TSLP: variants seen among roughly 807,000 people sequenced by gnomAD.
The protein encoded by TSLP is thymic stromal lymphopoietin, also known as thymic stroma-derived lymphopoietin.
Under a neutral mutation model 12.4 loss-of-function variants are expected in TSLP, and 12 were observed. That is an observed-to-expected ratio of 0.97 (90% CI 0.62 to 1.57). The LOEUF (loss-of-function observed/expected upper bound fraction) is 1.57, where lower values mean the gene tolerates loss of function less well. Among genes scored for constraint, TSLP ranks in the 40% most tolerant of loss-of-function variants. TSLP has a pLI of 0.00. For missense variants in TSLP, 222 were observed against 189.6 expected (o/e 1.17, Z -1.00); for synonymous variants, 97 against 69.5 (o/e 1.40, Z -1.97).
intron 3 of TSLP, among the ~76,000 whole-genome samples, 158 bp downstream of exon 3, chr5:111,073,803 G>GTTGA (rs1456505804): frequency 1.3e-5 from 2 of 152,186 alleles, no homozygotes; most frequent in Non-Finnish European, 2.9e-5. Flanking sequence ...TTAGACCCAC[G>GTTGA]TTGATACCCG....
At position 111,076,352 on chromosome 5, in the gene TSLP, A is replaced by T. The variant is rs1752507270; in HGVS notation, c.*278A>T. On this transcript the variant is annotated 3_prime_UTR_variant, in exon 4 of 4. Transcript: ENST00000344895. ...GTTGCATAAGCATTGCTCAAGAGGA[A>T]AATCCAAAAGTGCAGCAGGAGAACT... 2.9e-6 allele frequency: 1 copy of T among 343,330 alleles called. No individual in the cohort carries two copies. Among genetic ancestry groups the T allele is most frequent in the Non-Finnish European group, 5.3e-6 (1 of 190,168 alleles). 21.3% of individuals were successfully genotyped at this position (343,330 alleles called of 1,614,324 possible).
chr5:111,071,688 T>C (rs977650583), upstream of TSLP: 1 of 1,259,306 alleles, frequency 7.9e-7, no homozygotes. Flanking sequence ...AGGTGTTATA[T>C]AGTGCAGCCA....
chr5:111,071,789 C>G lies in TSLP; in HGVS notation c.-102C>G. ...GTGGACTGGCAATGAGAGGCAAAAC[C>G]TGGTGCTTGAGCACTGGCCCCTAAG... On this transcript the variant is annotated 5_prime_UTR_variant, in exon 1 of 4. Transcript: ENST00000344895. 1 of 1,439,450 alleles carries G rather than the reference C, an allele frequency of 6.9e-7. No individual in the cohort carries two copies. The highest frequency in any genetic ancestry group is 2.1e-5 in the Admixed American group (1 of 48,332). 89.2% of individuals were successfully genotyped at this position (1,439,450 alleles called of 1,614,324 possible).
rs1171852055 is a variant in TSLP at position 111,076,979 on chromosome 5, C to T, written c.*905C>T. On this transcript the variant is annotated 3_prime_UTR_variant, in exon 4 of 4. Transcript: ENST00000344895. ...AGATAGGCAGCTTCAGGATGCATTG[C>T]AATCATCCTTTTCTTAAATTATGTC... The T allele has an allele frequency of 6.6e-6, 1 of 152,192 alleles. No homozygotes were observed. The highest frequency in any genetic ancestry group is 6.5e-5 in the Admixed American group (1 of 15,280). The allele number at this position is 152,192 out of a possible 1,614,324, so 9.4% of individuals were successfully genotyped here.
At chr5:111,071,506 A>G (rs749196082), upstream of TSLP, 2 of 1,549,570 alleles carry the variant, frequency 1.3e-6, no homozygotes, top group South Asian at 1.2e-5. Flanking sequence ...GGGCAAAGCA[A>G]AAAGGAGGAA....
Position 111,076,877 on chromosome 5 carries a change from A to T in TSLP, c.*803A>T, listed in dbSNP as rs915174250. 4.6e-5 allele frequency: 7 copies of T among 152,164 alleles called. 1 individual carries two copies. Among genetic ancestry groups the T allele is most frequent in the East Asian group, 1.9e-4 (1 of 5,186 alleles). 9.4% of individuals were successfully genotyped at this position (152,164 alleles called of 1,614,324 possible). A position where few individuals can be genotyped will look rare whatever the true frequency, so the allele number is the denominator to read the frequency against. On this transcript the variant is annotated 3_prime_UTR_variant, in exon 4 of 4. Transcript: ENST00000344895. ...GGACATTATCTTCCTTCAGGTTTTT[A>T]CCTCCACTCATCCTTAGAGCCCACT...
At chr5:111,071,343 TG>T, upstream of TSLP, 2 of 1,105,010 alleles carry the variant, frequency 1.8e-6, no homozygotes, top group Non-Finnish European at 2.5e-6. Context: ...TCAGAATGCA[TG>T]GGACATATGC....
chr5:111,071,450 A>G (rs374745224), upstream of TSLP: 177 of 1,530,760 alleles, frequency 1.2e-4, no homozygotes, highest in East Asian at 2.5e-3. Context: ...GGAGAAAGAC[A>G]CTGGTATCCG....
In TSLP at chr5:111,076,227, T is replaced by A; in HGVS notation, c.*153T>A. 1 of 905,794 alleles carries A rather than the reference T, an allele frequency of 1.1e-6. No individual in the cohort carries two copies. Among genetic ancestry groups the A allele is most frequent in the Non-Finnish European group, 1.7e-6 (1 of 596,488 alleles). The allele number at this position is 905,794 out of a possible 1,614,324, so 56.1% of individuals were successfully genotyped here. ...TTAACTTACTTTTGTAAGTTTTTAT[T>A]GTGTAAGTTTATAATGCAGGGGAAG... On this transcript the variant is annotated 3_prime_UTR_variant, in exon 4 of 4. Transcript: ENST00000344895.
rs1046716837 is a variant in TSLP, at chr5:111,076,254, A to G, written c.*180A>G. 3.0e-6 allele frequency: 2 copies of G among 664,122 alleles called. No individual in the cohort carries two copies. The highest frequency in any genetic ancestry group is 3.3e-5 in the Admixed American group (1 of 30,638). The allele number at this position is 664,122 out of a possible 1,614,324, so 41.1% of individuals were successfully genotyped here. On this transcript the variant is annotated 3_prime_UTR_variant, in exon 4 of 4. Coordinates refer to ENST00000344895, the MANE Select transcript of TSLP (RefSeq NM_033035.5). Reference sequence around the variant, plus strand: ...TGTAAGTTTATAATGCAGGGGAAGTACTACTCCTCAAATGTTGAGGGAAGC... The same window carrying G: ...TGTAAGTTTATAATGCAGGGGAAGTGCTACTCCTCAAATGTTGAGGGAAGC...
chr5:111,073,296 C>T, intron 2 of TSLP: 1 of 1,420,770 alleles, frequency 7.0e-7, no homozygotes, highest in South Asian at 1.6e-5. Flanking sequence ...AGTCTTTTCG[C>T]GACGAGTGCC....
upstream of TSLP, chr5:111,071,449 C>T (rs924613728): frequency 1.3e-5 from 20 of 1,528,974 alleles, 1 homozygote; most frequent in African/African-American, 2.5e-4. Flanking sequence ...AGGAGAAAGA[C>T]ACTGGTATCC....
chr5:111,073,658 C>A lies in TSLP; in HGVS notation c.351+13C>A, dbSNP rs762121286. On this transcript the variant is annotated intron_variant, in intron 3 of 3. Coordinates refer to ENST00000344895, the MANE Select transcript of TSLP (RefSeq NM_033035.5). ...TTCGGAAACTCAGGTAAGCCCGAAGCCTCAGACGTTTGCTGTACCTTGGGG... is the reference window on the plus strand; with the variant it reads ...TTCGGAAACTCAGGTAAGCCCGAAGACTCAGACGTTTGCTGTACCTTGGGG... The A allele has an allele frequency of 6.8e-6, 11 of 1,613,890 alleles. No individual in the cohort carries two copies. Among genetic ancestry groups the A allele is most frequent in the Non-Finnish European group, 8.5e-6 (10 of 1,179,842 alleles).
upstream of TSLP, chr5:111,071,451 C>A: frequency 1.3e-6 from 2 of 1,531,378 alleles, no homozygotes; most frequent in Non-Finnish European, 1.8e-6. Flanking sequence ...GAGAAAGACA[C>A]TGGTATCCGT....
At position 111,076,322 on chromosome 5, in the gene TSLP, C is replaced by T; in HGVS notation, c.*248C>T. 2.2e-6 allele frequency: 1 copy of T among 451,036 alleles called. No individual in the cohort carries two copies. The highest frequency in any genetic ancestry group is 3.9e-6 in the Non-Finnish European group (1 of 255,498). The allele number at this position is 451,036 out of a possible 1,614,324, so 27.9% of individuals were successfully genotyped here. A position where few individuals can be genotyped will look rare whatever the true frequency, so the allele number is the denominator to read the frequency against. ...CTGGCTTCATGGCAGTAATTCTCGGCTGTAGTTGCATAAGCATTGCTCAAG... is the reference window on the plus strand; with the variant it reads ...CTGGCTTCATGGCAGTAATTCTCGGTTGTAGTTGCATAAGCATTGCTCAAG... On this transcript the variant is annotated 3_prime_UTR_variant, in exon 4 of 4. Transcript: ENST00000344895.
At position 111,073,299 on chromosome 5, in the gene TSLP, C is replaced by G. The variant is rs1254781606; in HGVS notation, c.217-212C>G. 5.6e-6 allele frequency: 8 copies of G among 1,421,676 alleles called. No individual in the cohort carries two copies. In the South Asian group the frequency reaches 9.4e-5, roughly 17 times the overall value. The allele number at this position is 1,421,676 out of a possible 1,614,324, so 88.1% of individuals were successfully genotyped here. On this transcript the variant is annotated intron_variant, in intron 2 of 3. Transcript: ENST00000344895. ...AGCGTGGGTGACAGTCTTTTCGCGA[C>G]GAGTGCCCTCCGCCACCCTCGCCAC...
intron 3 of TSLP, among the ~76,000 whole-genome samples, chr5:111,075,187 G>C (rs1418227285): frequency 6.6e-6 from 1 of 152,176 alleles, no homozygotes; most frequent in Non-Finnish European, 1.5e-5. Flanking sequence ...AGCCCAAATG[G>C]AGAGTCTAAG....
chr5:111,070,172 A>G (rs1015202209), upstream of TSLP: 4 of 152,324 alleles, frequency 2.6e-5, no homozygotes, highest in Non-Finnish European at 4.4e-5. Context: ...TCAGCGGTGA[A>G]TCAGAGGTTT....
chr5:111,071,839 T>G lies in TSLP; in HGVS notation c.-52T>G, dbSNP rs939575947. On this transcript the variant is annotated 5_prime_UTR_variant, in exon 1 of 4. Transcript: ENST00000344895. ...GGCAGGCCTTACAGATCTCTTACAC[T>G]CGTGGTGGGAAGAGTTTAGTGTGAA... 6 of 1,588,222 alleles carry G rather than the reference T, an allele frequency of 3.8e-6. No homozygotes were observed. The South Asian group carries it at 6.9e-5, about 18-fold the overall frequency.
Sources: allele counts gnomAD v4.1 joint callset (sites outside exome capture counted in the v4.1 genomes callset), GRCh38; gene constraint gnomAD v4.1.1; transcripts MANE v1.5; gene names NCBI Gene and HGNC (gene_info 2026-07-23, HGNC 2026-07-21).